The following ANK3 variants were observed in gnomAD, a reference collection of about 807,000 sequenced individuals.
ANK3 encodes ankyrin-3.
A neutral mutation model predicts 370.9 loss-of-function variants in ANK3; 57 were observed. The ratio of observed to expected loss-of-function variants is 0.15; its 90% CI spans 0.12 to 0.19. The LOEUF (loss-of-function observed/expected upper bound fraction) is 0.19. Among genes scored for constraint, ANK3 ranks in the 10% least tolerant of loss-of-function variants. The pLI, the probability that ANK3 is intolerant of heterozygous loss-of-function variation, is 1.00. For synonymous variants in ANK3, 1,929 were observed against 1,946.3 expected (o/e 0.99, Z 0.23); for missense variants, 4,439 against 5,302.1 (o/e 0.84, Z 5.06).
At chr10:60,121,537 C>T (rs1394590321) in intron 25 of ANK3, among the ~76,000 whole-genome samples, 4 of 151,508 alleles carry the variant, frequency 2.6e-5, no homozygotes, top group African/African-American at 9.7e-5. Flanking sequence ...ATAAAAATTG[C>T]AAAAAAGAGC....
chr10:60,268,149 C>T (rs944144794), intron 5 of ANK3, among the ~76,000 whole-genome samples: 15 of 152,174 alleles, frequency 9.9e-5, no homozygotes, highest in Non-Finnish European at 1.6e-4. Flanking sequence ...CTGGGACTAC[C>T]GGTGTGTGCC....
intron 1 of ANK3, among the ~76,000 whole-genome samples, chr10:60,379,411 C>A (rs1034432312): frequency 3.9e-5 from 6 of 152,072 alleles, no homozygotes; most frequent in Non-Finnish European, 7.4e-5. Flanking sequence ...AAGACATCTG[C>A]ACTCCTATGT....
At chr10:60,044,749 T>TTGAG (rs2076670588) in intron 42 of ANK3, 1 of 152,184 alleles carries the variant, frequency 6.6e-6, no homozygotes, top group Admixed American at 6.5e-5. Context: ...TTTTTGTGGA[T>TTGAG]TGAGTTTTAT....
chr10:60,374,097 A>G (rs2060462391), intron 1 of ANK3, among the ~76,000 whole-genome samples: 1 of 151,800 alleles, frequency 6.6e-6, no homozygotes, highest in Admixed American at 6.6e-5. Context: ...CTTGTGCTCC[A>G]AGTATCCCTT....
chr10:60,663,449 G>T (rs1436234011), intron 1 of ANK3, among the ~76,000 whole-genome samples: 1 of 152,206 alleles, frequency 6.6e-6, no homozygotes, highest in Non-Finnish European at 1.5e-5. Flanking sequence ...CAGTGAGTCA[G>T]CTCTGTCCAG....
At chr10:60,589,596 C>A (rs2077881425) in intron 2 of ANK3, among the ~76,000 whole-genome samples, 1 of 152,168 alleles carries the variant, frequency 6.6e-6, no homozygotes, top group Non-Finnish European at 1.5e-5. Context: ...TGGCAACATA[C>A]AGCATGAAAG....
At chr10:60,329,331 G>A (rs1483800777) in intron 1 of ANK3, among the ~76,000 whole-genome samples, 1 of 152,148 alleles carries the variant, frequency 6.6e-6, no homozygotes, top group Non-Finnish European at 1.5e-5. Flanking sequence ...TAGGAAGAGA[G>A]GAAATCAAAC....
chr10:60,549,481 C>T (rs1271191777), intron 2 of ANK3, among the ~76,000 whole-genome samples: 1 of 152,114 alleles, frequency 6.6e-6, no homozygotes, highest in Non-Finnish European at 1.5e-5. Context: ...GAACAATCCC[C>T]TTACTTCTAC....
intron 39 of ANK3, among the ~76,000 whole-genome samples, chr10:60,063,651 C>A (rs928919538): frequency 1.3e-5 from 2 of 152,132 alleles, no homozygotes; most frequent in Non-Finnish European, 2.9e-5. Flanking sequence ...TAATTTATTC[C>A]ACATTGTTGT....
chr10:60,045,623 T>C (rs1204194976), intron 42 of ANK3, among the ~76,000 whole-genome samples: 1 of 152,180 alleles, frequency 6.6e-6, no homozygotes, highest in Non-Finnish European at 1.5e-5. Flanking sequence ...AAAGGTGAAA[T>C]GGATAATGCT....
intron 7 of ANK3, among the ~76,000 whole-genome samples, chr10:60,257,852 G>A (rs1417448832): frequency 1.3e-5 from 2 of 152,148 alleles, no homozygotes; most frequent in Non-Finnish European, 2.9e-5. Flanking sequence ...AACAGAAAGT[G>A]CTAAATGGCA....
chr10:60,621,885 A>G (rs986162214), intron 1 of ANK3, among the ~76,000 whole-genome samples: 5 of 152,274 alleles, frequency 3.3e-5, no homozygotes, highest in African/African-American at 9.6e-5. Context: ...GAGATGTTTG[A>G]ACCCTGGCCT....
At chr10:60,213,201 C>G (rs1338446368) in intron 9 of ANK3, among the ~76,000 whole-genome samples, 1 of 151,956 alleles carries the variant, frequency 6.6e-6, no homozygotes, top group Non-Finnish European at 1.5e-5. Flanking sequence ...CAACAAAAAC[C>G]ACACACACAC....
chr10:60,186,525 T>A (rs757505615), intron 17 of ANK3, 190 bp downstream of exon 17: 1 of 693,472 alleles, frequency 1.4e-6, no homozygotes, highest in Admixed American at 2.1e-5. Flanking sequence ...GCATTGACCA[T>A]TTTTCTTATT....
chr10:60,302,359 A>G (rs552055813), intron 1 of ANK3, among the ~76,000 whole-genome samples: 24 of 152,308 alleles, frequency 1.6e-4, no homozygotes, highest in African/African-American at 5.5e-4. Flanking sequence ...TGCCATTTTT[A>G]TAGTTTAAAA....
chr10:60,599,314 C>G (rs1298748087), intron 2 of ANK3, among the ~76,000 whole-genome samples: 1 of 151,750 alleles, frequency 6.6e-6, no homozygotes, highest in Non-Finnish European at 1.5e-5. Context: ...TCTTCTACTA[C>G]AAAATATGTT....
At chr10:60,047,674 G>A (rs1174360796) in intron 42 of ANK3, among the ~76,000 whole-genome samples, 4 of 152,052 alleles carry the variant, frequency 2.6e-5, no homozygotes, top group South Asian at 4.2e-4. Context: ...TAAAAATGTT[G>A]AAAAATTGAA....
chr10:60,030,750 A>T (rs1043559211), intron 43 of ANK3, among the ~76,000 whole-genome samples: 13 of 152,154 alleles, frequency 8.5e-5, no homozygotes, highest in Admixed American at 8.5e-4. Context: ...TCTCCTTGTC[A>T]GTCAAGTGGC....
At chr10:60,067,299 C>T (rs1346818904) in intron 38 of ANK3, among the ~76,000 whole-genome samples, 1 of 152,186 alleles carries the variant, frequency 6.6e-6, no homozygotes, top group African/African-American at 2.4e-5. Context: ...TTTAAACTTA[C>T]TGTCATTGTT....
Sources: gnomAD v4.1 joint callset for allele counts (sites outside exome capture counted in the v4.1 genomes callset) on GRCh38, gnomAD v4.1.1 for gene constraint, MANE v1.5 for transcripts, NCBI Gene and HGNC (gene_info 2026-07-23, HGNC 2026-07-21) for gene names.